POSTN: variants seen among roughly 807,000 people sequenced by gnomAD.
POSTN encodes periostin.
Under a neutral mutation model 104.5 loss-of-function variants are expected in POSTN, and 71 were observed. The observed-to-expected ratio is 0.68, with a 90% CI of 0.56 to 0.83. The LOEUF is 0.83. POSTN is among the 40% of genes least tolerant of loss of function. The pLI is 0.00. For missense variants in POSTN, 949 were observed against 1,006.8 expected, an observed-to-expected ratio of 0.94 and a Z score of 0.78; for synonymous variants, 355 against 340.7, an observed-to-expected ratio of 1.04 and a Z score of -0.46.
intron 12 of POSTN, 119 bp downstream of exon 12, chr13:37,579,742 G>T: frequency 8.6e-7 from 1 of 1,159,266 alleles, no homozygotes; most frequent in Non-Finnish European, 1.2e-6. Context: ...GGAAACTAAA[G>T]CTAACCATGA....
rs772566762 is a variant in POSTN, at chr13:37,586,122, T to G, written c.895+17A>C. The G allele has an allele frequency of 1.9e-6, 3 of 1,604,366 alleles. No individual in the cohort carries two copies. Among genetic ancestry groups the G allele is most frequent in the Non-Finnish European group, 2.6e-6 (3 of 1,174,636 alleles). ...AGAATGCTGGGAGACTCCTTAGAGATGAAGACATTAAACTACCTTCGGAAG... is the reference window on the plus strand; with the variant it reads ...AGAATGCTGGGAGACTCCTTAGAGAGGAAGACATTAAACTACCTTCGGAAG... On this transcript the variant is annotated intron_variant, in intron 7 of 22. Coordinates refer to ENST00000379747, the MANE Select transcript of POSTN (RefSeq NM_006475.3).
chr13:37,590,672 T>G (rs1219469011), intron 3 of POSTN, 143 bp from the exon 4 acceptor site: 3 of 671,214 alleles, frequency 4.5e-6, no homozygotes, highest in Non-Finnish European at 6.5e-6. Context: ...CATTTTTATA[T>G]AAAAGTTATC....
intron 16 of POSTN, among the ~76,000 whole-genome samples, chr13:37,576,794 T>G (rs1484537085): frequency 1.3e-5 from 2 of 152,084 alleles, no homozygotes; most frequent in Admixed American, 6.6e-5. Flanking sequence ...ATCCTGGAAT[T>G]GCATGTTATT....
chr13:37,586,709 T>G lies in POSTN; in HGVS notation c.753+73A>C. 2.8e-6 allele frequency: 4 copies of G among 1,444,152 alleles called. No individual in the cohort carries two copies. The South Asian group carries it at 5.1e-5, about 19-fold the overall frequency. 89.5% of individuals were successfully genotyped at this position (1,444,152 alleles called of 1,614,324 possible). A position where few individuals can be genotyped will look rare whatever the true frequency, so the allele number is the denominator to read the frequency against. On this transcript the variant is annotated intron_variant, in intron 6 of 22. Transcript: ENST00000379747. ...ATTTTTGCCAGATTTAATAGCATTT[T>G]TATTGTTTTTAGATTTTGACAGGAG...
Position 37,584,064 on chromosome 13 carries a change from G to A in POSTN, c.1148C>T (p.Thr383Ile). The A allele has an allele frequency of 6.2e-7, 1 of 1,613,914 alleles. No individual in the cohort carries two copies. The highest frequency in any genetic ancestry group is 8.5e-7 in the Non-Finnish European group (1 of 1,179,932). Residue 383 changes from threonine to isoleucine, a missense_variant, in exon 9 of 23, where the codon ACC (threonine) becomes ATC (isoleucine). By Grantham distance (89) the Thr-to-Ile change is moderately conservative (BLOSUM62 -1). Transcript: ENST00000379747. Reference sequence around the variant, plus strand: ...TAATTGGGCCACAAGATCCGTGAAGGTGGTTTGCTGTTTTCCAGCCAGCTC... The same window carrying A: ...TAATTGGGCCACAAGATCCGTGAAGATGGTTTGCTGTTTTCCAGCCAGCTC... ...VIELAGKQQTTFTDLVAQLGL... is the reference protein window; with the variant it reads ...VIELAGKQQTIFTDLVAQLGL...
rs767979182 is a variant in POSTN, at chr13:37,571,463, G to A, written c.2090-5C>T. 1.3e-6 allele frequency: 2 copies of A among 1,584,618 alleles called. No homozygotes were observed. Among genetic ancestry groups the A allele is most frequent in the Non-Finnish European group, 8.7e-7 (1 of 1,154,880 alleles). Reference sequence around the variant, plus strand: ...TGACTTTTGTTAGTGTGGGTCCTGGGACATTATTTTAGGAGACAAATTATC... The same window carrying A: ...TGACTTTTGTTAGTGTGGGTCCTGGAACATTATTTTAGGAGACAAATTATC... On this transcript the variant is annotated splice_region_variant and splice_polypyrimidine_tract_variant and intron_variant, in intron 17 of 22. Transcript: ENST00000379747.
chr13:37,594,535 A>G (rs919374358), intron 2 of POSTN, among the ~76,000 whole-genome samples: 24 of 151,724 alleles, frequency 1.6e-4, no homozygotes, highest in Admixed American at 5.9e-4. Context: ...TAAAAAAAAT[A>G]TTGCTATACA....
intron 4 of POSTN, among the ~76,000 whole-genome samples, chr13:37,588,550 T>A (rs1390145365): frequency 6.7e-6 from 1 of 149,684 alleles, no homozygotes; most frequent in Non-Finnish European, 1.5e-5. Context: ...GTAGACAGAG[T>A]AAGATATAGG....
Position 37,571,360 on chromosome 13 carries a change from G to A in POSTN, c.2179+9C>T, listed in dbSNP as rs564442647. 174 of 1,573,398 alleles carry A rather than the reference G, an allele frequency of 1.1e-4. No homozygotes were observed. The highest frequency in any genetic ancestry group is 1.6e-4 in the Admixed American group (9 of 57,908). ...AGGTAGTCGGCCCCAGGTAACATAA[G>A]GAACGCACCTCCATGGATCACTTCA... On this transcript the variant is annotated intron_variant, in intron 18 of 22. Transcript: ENST00000379747.
intron 7 of POSTN, among the ~76,000 whole-genome samples, 196 bp from the exon 8 acceptor site, chr13:37,585,124 C>T (rs563451869): frequency 2.0e-5 from 3 of 152,184 alleles, no homozygotes; most frequent in South Asian, 2.1e-4. Flanking sequence ...AGCTCAGCTT[C>T]GTAGGAATAA....
intron 7 of POSTN, among the ~76,000 whole-genome samples, chr13:37,585,529 C>T (rs1227049292): frequency 6.6e-6 from 1 of 152,124 alleles, no homozygotes; most frequent in African/African-American, 2.4e-5. Context: ...AAGGCAACTT[C>T]TAGAAAGTAA....
At chr13:37,580,540 A>T (rs201517785) in intron 11 of POSTN, 21 bp downstream of exon 11, 55 of 1,613,438 alleles carry the variant, frequency 3.4e-5, no homozygotes, top group Non-Finnish European at 4.6e-5. Flanking sequence ...TTCTCTGTGG[A>T]GGTGCCACTA....
In POSTN at chr13:37,572,355, A is replaced by C. The variant is rs1462203563; in HGVS notation, c.2090-897T>G. Among the ~76,000 whole-genome samples the C allele has an allele frequency of 2.6e-5, 4 of 151,700 alleles. No individual in the cohort carries two copies. The East Asian group carries it at 7.7e-4, about 29-fold the overall frequency. ...ACGAAACCAGCCTAGAACAATCCAA[A>C]ATAATGAAAATAAAAGTAAAGTTTT... On this transcript the variant is annotated intron_variant, in intron 17 of 22. Transcript: ENST00000379747.
chr13:37,595,095 T>A (rs1466077148), intron 2 of POSTN, among the ~76,000 whole-genome samples: 1 of 151,854 alleles, frequency 6.6e-6, no homozygotes, highest in Non-Finnish European at 1.5e-5. Context: ...GCATAGCCTC[T>A]GTACAAGCCT....
At chr13:37,565,427 T>A (rs1008123610) in intron 21 of POSTN, 1 of 152,040 alleles carries the variant, frequency 6.6e-6, no homozygotes, top group Non-Finnish European at 1.5e-5. Context: ...AATTTTGACT[T>A]CTTTTATATG....
In POSTN at chr13:37,569,283, G is replaced by A; in HGVS notation, c.2431+17C>T. The A allele has an allele frequency of 4.4e-6, 7 of 1,577,486 alleles. No homozygotes were observed. The highest frequency in any genetic ancestry group is 1.7e-5 in the Admixed American group (1 of 59,746). ...CTAGAACCTGTTAAGGGGGTTAGTT[G>A]TTGTCCTTTTACTAACCTCCCTGAA... is the stretch of plus-strand genomic sequence containing the variant. On this transcript the variant is annotated intron_variant, in intron 21 of 22. Transcript: ENST00000379747.
In POSTN at chr13:37,575,948, A is replaced by G. The variant is rs1950395186; in HGVS notation, c.2009-1296T>C. ...ACAGGGCTCTCTATTGCTGCTATCA[A>G]AATGGACTAATTCCTTTTAGCTTAC... On this transcript the variant is annotated intron_variant, in intron 16 of 22. Transcript: ENST00000379747. Among the ~76,000 whole-genome samples the G allele has an allele frequency of 2.0e-5, 3 of 152,170 alleles. No homozygotes were observed. In the South Asian group the frequency reaches 6.2e-4, roughly 32 times the overall value.
intron 17 of POSTN, among the ~76,000 whole-genome samples, chr13:37,571,765 C>T (rs1292010119): frequency 6.6e-6 from 1 of 151,658 alleles, no homozygotes; most frequent in Non-Finnish European, 1.5e-5. Flanking sequence ...TTATATGTGG[C>T]TACACTTTGC....
At chr13:37,584,140 C>A (rs750189412) in intron 8 of POSTN, 37 bp from the exon 9 acceptor site, 6 of 1,610,508 alleles carry the variant, frequency 3.7e-6, no homozygotes, top group Non-Finnish European at 5.1e-6. Flanking sequence ...ACAATGTCAT[C>A]ATTGCTATTA....
Sources: allele counts gnomAD v4.1 joint callset (sites outside exome capture counted in the v4.1 genomes callset), GRCh38; gene constraint gnomAD v4.1.1; transcripts MANE v1.5; gene names NCBI Gene and HGNC (gene_info 2026-07-23, HGNC 2026-07-21).